Variants in RNF180 observed in about 807,000 individuals in gnomAD.
RNF180 encodes the protein ring finger protein 180.
Under a neutral mutation model 59.2 loss-of-function variants are expected in RNF180, and 38 were observed. The ratio of observed to expected loss-of-function variants is 0.64; its 90% CI spans 0.50 to 0.84. The LOEUF is 0.84. RNF180 is among the 40% of genes least tolerant of loss of function. The probability of loss-of-function intolerance (pLI) is 0.00; values close to 1 mark genes in which losing one functional copy is unlikely to be tolerated. For synonymous variants in RNF180, 262 were observed against 240.3 expected (o/e 1.09, Z -0.84); for missense variants, 705 against 700.9 (o/e 1.01, Z -0.07).
intron 1 of RNF180, among the ~76,000 whole-genome samples, chr5:64,170,809 A>T (rs1319817789): frequency 6.6e-6 from 1 of 152,194 alleles, no homozygotes; most frequent in Non-Finnish European, 1.5e-5. Flanking sequence ...TTTAGCTGCT[A>T]TGCCTGTAGT....
intron 1 of RNF180, among the ~76,000 whole-genome samples, chr5:64,192,598 G>C (rs908852515): frequency 2.6e-4 from 40 of 152,132 alleles, no homozygotes; most frequent in African/African-American, 9.2e-4. Context: ...CTTGAACCCA[G>C]GAAGCGGAGG....
intron 2 of RNF180, among the ~76,000 whole-genome samples, chr5:64,203,615 A>T (rs1751863076): frequency 6.6e-6 from 1 of 152,118 alleles, no homozygotes; most frequent in Non-Finnish European, 1.5e-5. Flanking sequence ...TTTATATAAA[A>T]TTGCATCTGT....
intron 2 of RNF180, 43 bp downstream of exon 2, chr5:64,200,985 G>A (rs1448871730): frequency 1.1e-5 from 18 of 1,575,408 alleles, no homozygotes; most frequent in Non-Finnish European, 1.5e-5. Context: ...TGGTAGAGGA[G>A]TGCTGTGGGC....
chr5:64,177,526 CATATATATAT>C (rs58046669), intron 1 of RNF180, among the ~76,000 whole-genome samples: 9,309 of 104,860 alleles, frequency 0.089, 519 homozygotes, highest in Admixed American at 0.14. Flanking sequence ...TAAATTATGC[CATATATATAT>C]ATATATATAT....
At chr5:64,314,051 T>G (rs1018643868) in intron 5 of RNF180, among the ~76,000 whole-genome samples, 3 of 152,114 alleles carry the variant, frequency 2.0e-5, no homozygotes, top group Non-Finnish European at 4.4e-5. Flanking sequence ...ATATTAAACC[T>G]TTGCTGGATG....
chr5:64,315,660 T>TG (rs1048578495), intron 5 of RNF180, among the ~76,000 whole-genome samples: 26 of 142,042 alleles, frequency 1.8e-4, no homozygotes, highest in Non-Finnish European at 3.2e-4. Flanking sequence ...TGCTTGAACC[T>TG]GGGGGGCAGA....
At chr5:64,366,623 C>A (rs188445557) in intron 7 of RNF180, among the ~76,000 whole-genome samples, 239 of 151,252 alleles carry the variant, frequency 1.6e-3, no homozygotes, top group Non-Finnish European at 3.1e-3. Flanking sequence ...TTAGATAAAG[C>A]AGAAGAAAAA....
intron 1 of RNF180, among the ~76,000 whole-genome samples, chr5:64,185,761 G>C (rs550754691): frequency 1.3e-5 from 2 of 152,276 alleles, no homozygotes; most frequent in East Asian, 3.9e-4. Context: ...TACTGCTTAT[G>C]CCCTATCTCT....
At chr5:64,296,112 C>A (rs1742870253) in intron 5 of RNF180, among the ~76,000 whole-genome samples, 1 of 152,118 alleles carries the variant, frequency 6.6e-6, no homozygotes, top group East Asian at 1.9e-4. Context: ...CTACTTCAGA[C>A]AACTATGACA....
chr5:64,254,037 A>G (rs904959016), intron 5 of RNF180, among the ~76,000 whole-genome samples: 1 of 152,088 alleles, frequency 6.6e-6, no homozygotes, highest in Non-Finnish European at 1.5e-5. Flanking sequence ...GATCACCTAA[A>G]CATTTGGATA....
intron 5 of RNF180, among the ~76,000 whole-genome samples, chr5:64,241,792 C>G (rs907255934): frequency 1.3e-5 from 2 of 152,134 alleles, no homozygotes; most frequent in Non-Finnish European, 2.9e-5. Flanking sequence ...ACCCACATTA[C>G]TCCTCCGCAA....
At chr5:64,213,064 T>G (rs970538802) in intron 3 of RNF180, among the ~76,000 whole-genome samples, 1 of 152,208 alleles carries the variant, frequency 6.6e-6, no homozygotes, top group Non-Finnish European at 1.5e-5. Flanking sequence ...CTGTCTGATG[T>G]ATGCAATCAG....
At chr5:64,180,231 A>G (rs939527121) in intron 1 of RNF180, among the ~76,000 whole-genome samples, 8 of 152,106 alleles carry the variant, frequency 5.3e-5, no homozygotes, top group African/African-American at 1.9e-4. Context: ...TCACTTTGCC[A>G]TTTTATTCTA....
chr5:64,257,570 A>G (rs1486297379), intron 5 of RNF180, among the ~76,000 whole-genome samples: 1 of 152,100 alleles, frequency 6.6e-6, no homozygotes, highest in African/African-American at 2.4e-5. Context: ...ATCATGGTGG[A>G]TAAGCTTTTT....
intron 7 of RNF180, among the ~76,000 whole-genome samples, chr5:64,334,767 A>G (rs570096555): frequency 2.6e-5 from 4 of 152,326 alleles, no homozygotes; most frequent in South Asian, 4.1e-4. Flanking sequence ...ACTGTAGTCA[A>G]TTATGTGAAA....
chr5:64,247,041 C>A (rs1178547159), intron 5 of RNF180, among the ~76,000 whole-genome samples: 2 of 152,074 alleles, frequency 1.3e-5, no homozygotes, highest in Non-Finnish European at 2.9e-5. Flanking sequence ...CAGAAAAGGC[C>A]TTCAGTAAAA....
At chr5:64,200,437 A>C (rs1000026587) in intron 1 of RNF180, among the ~76,000 whole-genome samples, 2 of 152,168 alleles carry the variant, frequency 1.3e-5, no homozygotes, top group African/African-American at 2.4e-5. Flanking sequence ...CCTGGGTGAC[A>C]AGAGTGAGAC....
chr5:64,190,966 A>G (rs1322145223), intron 1 of RNF180, among the ~76,000 whole-genome samples: 1 of 152,244 alleles, frequency 6.6e-6, no homozygotes, highest in African/African-American at 2.4e-5. Flanking sequence ...CTGATGAAGT[A>G]TAACTTTTTT....
In RNF180 at chr5:64,349,374, GTAA is replaced by G. The variant is rs542948248; in HGVS notation, c.1579+18978_1579+18980del. Among the ~76,000 whole-genome samples the G allele has an allele frequency of 7.2e-4, 105 of 146,794 alleles. 1 individual carries two copies. The South Asian group carries it at 0.021, about 30-fold the overall frequency. ...TTTAATAAAGTTTTTAATTGCCATT[GTAA>G]TAATAATAAGTTATGACAGGCTAGT... On this transcript the variant is annotated intron_variant, in intron 7 of 7. Coordinates refer to ENST00000389100, the MANE Select transcript of RNF180 (RefSeq NM_001113561.2).
Sources: gnomAD v4.1 joint callset for allele counts (sites outside exome capture counted in the v4.1 genomes callset) on GRCh38, gnomAD v4.1.1 for gene constraint, MANE v1.5 for transcripts, NCBI Gene and HGNC (gene_info 2026-07-23, HGNC 2026-07-21) for gene names.